NIN: variants seen among roughly 807,000 people sequenced by gnomAD.
NIN encodes glycogen synthase kinase 3 beta-interacting protein.
NIN carries 137 observed loss-of-function variants against 257.6 expected under a neutral mutation model. The ratio of observed to expected loss-of-function variants is 0.53; its 90% CI spans 0.46 to 0.61. The LOEUF (loss-of-function observed/expected upper bound fraction) is 0.61. Among genes scored for constraint, NIN ranks in the 20% least tolerant of loss-of-function variants. NIN has a pLI of 0.00. For synonymous variants in NIN, 918 were observed against 919.8 expected (o/e 1.00, Z 0.04); for missense variants, 2,439 against 2,501.2 (o/e 0.98, Z 0.53).
At chr14:50,783,472 C>T (rs2043217353) in intron 5 of NIN, among the ~76,000 whole-genome samples, 1 of 152,170 alleles carries the variant, frequency 6.6e-6, no homozygotes, top group Non-Finnish European at 1.5e-5. Flanking sequence ...GAGAAGCAGG[C>T]TTATGCTAAT....
At chr14:50,729,865 A>T (rs1462044325) in intron 28 of NIN, 142 bp from the exon 29 acceptor site, 2 of 587,218 alleles carry the variant, frequency 3.4e-6, no homozygotes, top group African/African-American at 3.8e-5. Flanking sequence ...AGGACAGCAT[A>T]TGGGCCCGAG....
At chr14:50,818,870 A>G (rs2142393720) in intron 3 of NIN, among the ~76,000 whole-genome samples, 1 of 142,874 alleles carries the variant, frequency 7.0e-6, no homozygotes, top group East Asian at 2.1e-4. Flanking sequence ...AGTTACTTTC[A>G]TTAACAACTA....
At chr14:50,820,936 G>A (rs1204430364) in intron 3 of NIN, among the ~76,000 whole-genome samples, 1 of 152,142 alleles carries the variant, frequency 6.6e-6, no homozygotes, top group Non-Finnish European at 1.5e-5. Flanking sequence ...AAAAGACAGT[G>A]AAAATGAAAT....
intron 28 of NIN, among the ~76,000 whole-genome samples, chr14:50,733,753 G>C (rs2040834502): frequency 6.6e-6 from 1 of 152,088 alleles, no homozygotes; most frequent in South Asian, 2.1e-4. Flanking sequence ...TTATTCCTCA[G>C]AGTATATAAT....
At chr14:50,742,946 A>G (rs2041359222) in intron 24 of NIN, among the ~76,000 whole-genome samples, 1 of 152,052 alleles carries the variant, frequency 6.6e-6, no homozygotes, top group Non-Finnish European at 1.5e-5. Flanking sequence ...TATTATTTAA[A>G]TCATTTTGTC....
intron 5 of NIN, among the ~76,000 whole-genome samples, chr14:50,781,479 C>T (rs145394462): frequency 1.3e-5 from 2 of 152,334 alleles, no homozygotes; most frequent in East Asian, 3.9e-4. Flanking sequence ...CAAGATGCTC[C>T]AATATACTGT....
intron 9 of NIN, 43 bp downstream of exon 9, chr14:50,772,258 C>A (rs1367125236): frequency 1.3e-6 from 2 of 1,524,368 alleles, no homozygotes; most frequent in South Asian, 1.2e-5. Flanking sequence ...AAATTTTCAA[C>A]CCTTCTCCAG....
chr14:50,779,130 C>T (rs751442724), intron 5 of NIN, among the ~76,000 whole-genome samples: 5 of 152,192 alleles, frequency 3.3e-5, no homozygotes, highest in Non-Finnish European at 7.3e-5. Context: ...CATCAACCAA[C>T]AAGTATCTGT....
chr14:50,770,786 G>A (rs2042697440), intron 11 of NIN, 66 bp downstream of exon 11: 1 of 1,545,318 alleles, frequency 6.5e-7, no homozygotes. Context: ...TGCCCCTGCA[G>A]CTGCAGGCGC....
At position 50,806,635 on chromosome 14, in the gene NIN, G is replaced by A. The variant is rs2044339802; in HGVS notation, c.265+102C>T. ...AAAATAACTGCTCAATCTGTGAAAG[G>A]CAGATGTCCCCAATCCTTCATATAC... On this transcript the variant is annotated intron_variant, in intron 4 of 30. Transcript: ENST00000530997. 17 of 603,730 alleles carry A rather than the reference G, an allele frequency of 2.8e-5. No homozygotes were observed. In the South Asian group the frequency reaches 3.9e-4, roughly 14 times the overall value. 37.4% of individuals were successfully genotyped at this position (603,730 alleles called of 1,614,324 possible).
At chr14:50,769,077 T>C (rs2141771166) in intron 12 of NIN, among the ~76,000 whole-genome samples, 1 of 152,376 alleles carries the variant, frequency 6.6e-6, no homozygotes, top group East Asian at 1.9e-4. Context: ...ACCTCAGTTT[T>C]TGATGTGTGG....
intron 24 of NIN, among the ~76,000 whole-genome samples, 157 bp downstream of exon 24, chr14:50,743,259 T>G (rs186790894): frequency 4.6e-5 from 7 of 152,222 alleles, no homozygotes; most frequent in Non-Finnish European, 1.0e-4. Flanking sequence ...ATGCCCAGCC[T>G]TGCCACACTA....
chr14:50,723,365 G>C lies in NIN; in HGVS notation c.*98C>G. 1.0e-6 allele frequency: 1 copy of C among 954,590 alleles called. No homozygotes were observed. 59.1% of individuals were successfully genotyped at this position (954,590 alleles called of 1,614,324 possible). A position where few individuals can be genotyped will look rare whatever the true frequency, so the allele number is the denominator to read the frequency against. ...AAATGGAAACTCCAGTTGTGTTGCT[G>C]GCAGTTTTAGGTTAGGCTTAATTTT... On this transcript the variant is annotated 3_prime_UTR_variant, in exon 31 of 31. Transcript: ENST00000530997.
intron 14 of NIN, among the ~76,000 whole-genome samples, chr14:50,764,514 A>G (rs1391448067): frequency 6.6e-6 from 1 of 152,222 alleles, no homozygotes; most frequent in Non-Finnish European, 1.5e-5. Flanking sequence ...ATATGCCCAT[A>G]CAAAAACGTG....
intron 29 of NIN, chr14:50,727,716 A>G: frequency 1.4e-6 from 2 of 1,435,336 alleles, no homozygotes; most frequent in Non-Finnish European, 1.9e-6. Context: ...TTCTGTAGGA[A>G]TCTGCGTGCA....
chr14:50,731,401 G>A (rs2040689915), intron 28 of NIN, among the ~76,000 whole-genome samples: 1 of 151,816 alleles, frequency 6.6e-6, no homozygotes, highest in African/African-American at 2.4e-5. Context: ...ATGGTGGCAC[G>A]TCGCCTTTGG....
intron 7 of NIN, among the ~76,000 whole-genome samples, chr14:50,773,794 A>G (rs2042819515): frequency 6.6e-6 from 1 of 152,208 alleles, no homozygotes; most frequent in Non-Finnish European, 1.5e-5. Flanking sequence ...ATGGTAATCA[A>G]ATAGCCCCTA....
intron 1 of NIN, chr14:50,830,735 C>CGCCCGCGCA (rs2045669875): frequency 6.5e-6 from 1 of 154,262 alleles, no homozygotes; most frequent in African/African-American, 2.4e-5. Flanking sequence ...GGCCCGCCCC[C>CGCCCGCGCA]GCCCGCGCAG....
chr14:50,788,628 C>G (rs1419483985), intron 5 of NIN, among the ~76,000 whole-genome samples: 1 of 152,190 alleles, frequency 6.6e-6, no homozygotes, highest in Non-Finnish European at 1.5e-5. Context: ...TAGCAACCTC[C>G]CCTACTATGA....
Sources: gnomAD v4.1 joint callset for allele counts (sites outside exome capture counted in the v4.1 genomes callset) on GRCh38, gnomAD v4.1.1 for gene constraint, MANE v1.5 for transcripts, NCBI Gene and HGNC (gene_info 2026-07-23, HGNC 2026-07-21) for gene names.